The following XPO7 variants were observed in gnomAD, a reference collection of about 807,000 sequenced individuals.
The protein encoded by XPO7 is exportin-7.
A neutral mutation model predicts 144.3 loss-of-function variants in XPO7; 21 were observed. The ratio of observed to expected loss-of-function variants is 0.15; its 90% confidence interval spans 0.10 to 0.21. The LOEUF (loss-of-function observed/expected upper bound fraction) is 0.21. Among genes scored for constraint, XPO7 ranks in the 10% least tolerant of loss-of-function variants. XPO7 has a pLI of 1.00. For missense variants in XPO7, 808 were observed against 1,325.8 expected (o/e 0.61, Z 6.06); for synonymous variants, 580 against 499.6 (o/e 1.16, Z -2.15).
intron 27 of XPO7, among the ~76,000 whole-genome samples, chr8:22,004,633 A>G (rs915222223): frequency 6.6e-6 from 1 of 152,120 alleles, no homozygotes; most frequent in Non-Finnish European, 1.5e-5. Context: ...CACGGTAGCC[A>G]TATGTGGTTA....
At chr8:22,001,537 C>T (rs931977285) in intron 24 of XPO7, among the ~76,000 whole-genome samples, 13 of 152,142 alleles carry the variant, frequency 8.5e-5, no homozygotes, top group African/African-American at 2.4e-4. Flanking sequence ...ACAGATAATA[C>T]AGCATACCGT....
chr8:21,994,702 T>C (rs1812884288), intron 20 of XPO7, among the ~76,000 whole-genome samples: 1 of 152,112 alleles, frequency 6.6e-6, no homozygotes, highest in African/African-American at 2.4e-5. Context: ...TGTGGAACCA[T>C]ATACCACTGT....
intron 1 of XPO7, among the ~76,000 whole-genome samples, chr8:21,925,638 T>C (rs1810435101): frequency 6.6e-6 from 1 of 152,164 alleles, no homozygotes. Flanking sequence ...CCAGGCACCA[T>C]GCTAAGCCTT....
At position 21,984,703 on chromosome 8, in the gene XPO7, G is replaced by A; in HGVS notation, c.1335G>A (p.Gln445=). ...DTGLVQQQLD[Q]LSTIGRCEYE... ...GGCTGGTCCAGCAGCAGTTGGACCAGCTGTCCACCATTGGGCGTTGTGAAT... is the reference window on the plus strand; with the variant it reads ...GGCTGGTCCAGCAGCAGTTGGACCAACTGTCCACCATTGGGCGTTGTGAAT... The change falls in exon 12 of 28, where the codon CAG becomes CAA. Residue 445 remains glutamine, a synonymous_variant. Transcript: ENST00000252512. 1 of 1,613,946 alleles carries A rather than the reference G, an allele frequency of 6.2e-7. No homozygotes were observed. The highest frequency in any genetic ancestry group is 8.5e-7 in the Non-Finnish European group (1 of 1,179,872).
At chr8:21,989,186 G>T in intron 16 of XPO7, 103 bp downstream of exon 16, 6 of 1,043,374 alleles carry the variant, frequency 5.8e-6, no homozygotes, top group Non-Finnish European at 7.0e-6. Context: ...GCTGTAGTGT[G>T]TACTCACATA....
chr8:21,984,574 G>A lies in XPO7; in HGVS notation c.1278-72G>A, dbSNP rs974240496. ...AAATGGTGGCTAAGTGAAGAAGTCA[G>A]AGAGCTGCTATATTGGGCAAATCAG... On this transcript the variant is annotated intron_variant, in intron 11 of 27. Transcript: ENST00000252512. 8.7e-6 allele frequency: 12 copies of A among 1,381,408 alleles called. No homozygotes were observed. In the African/African-American group the frequency reaches 1.6e-4, roughly 18 times the overall value. 85.6% of individuals were successfully genotyped at this position (1,381,408 alleles called of 1,614,324 possible).
At chr8:21,960,104 G>A (rs6557707) in intron 1 of XPO7, among the ~76,000 whole-genome samples, 147,548 of 152,330 alleles carry the variant, frequency 0.97, 71,628 homozygotes, top group East Asian at 1. Context: ...CAGAGGAGCC[G>A]TGGGGAACTG....
chr8:21,985,669 A>G lies in XPO7; in HGVS notation c.1555A>G (p.Met519Val), dbSNP rs901468475. The change falls in exon 13 of 28, where the codon ATG becomes GTG. Residue 519 changes from methionine (M) to valine (V), a missense_variant. This residue lies in a region of XPO7 where 416 missense variants were observed against 612.5 expected (regional missense o/e 0.68). Coordinates refer to ENST00000252512, the MANE Select transcript of XPO7 (RefSeq NM_015024.5). Reference protein sequence around the residue: ...SFASTDEQDAMDGELVCRVLQ... With the variant: ...SFASTDEQDAVDGELVCRVLQ... ...TGCCAGCACTGATGAGCAAGACGCC[A>G]TGGATGGTGAGCTTGTCTGTCGGTA... 2.5e-6 allele frequency: 4 copies of G among 1,613,632 alleles called. No homozygotes were observed. Among genetic ancestry groups the G allele is most frequent in the Non-Finnish European group, 3.4e-6 (4 of 1,179,882 alleles).
Position 22,005,928 on chromosome 8 carries a change from C to T in XPO7, c.*840C>T, listed in dbSNP as rs757413293. ...TGCTTTTAAAAGTTGGATTTAACGA[C>T]GTGTTGTAGGGTTCTTGGTCTGTGT... On this transcript the variant is annotated 3_prime_UTR_variant, in exon 28 of 28. Transcript: ENST00000252512. 8 of 152,158 alleles carry T rather than the reference C, an allele frequency of 5.3e-5. No homozygotes were observed. Among genetic ancestry groups the T allele is most frequent in the Non-Finnish European group, 1.0e-4 (7 of 68,048 alleles). The allele number at this position is 152,158 out of a possible 1,614,324, so 9.4% of individuals were successfully genotyped here. A position where few individuals can be genotyped will look rare whatever the true frequency, so the allele number is the denominator to read the frequency against.
At chr8:21,993,082 C>T (rs1812822453) in intron 19 of XPO7, among the ~76,000 whole-genome samples, 1 of 152,116 alleles carries the variant, frequency 6.6e-6, no homozygotes, top group Non-Finnish European at 1.5e-5. Context: ...CCTAATTATA[C>T]TTGTATTTTA....
In XPO7 at chr8:21,977,815, A is replaced by T. The variant is rs1812276718; in HGVS notation, c.809A>T (p.His270Leu). Reference protein sequence around the residue: ...STLQLFFDLYHSIPPSFSPLV... With the variant: ...STLQLFFDLYLSIPPSFSPLV... Reference sequence around the variant, plus strand: ...TTGCAGCTGTTTTTTGACCTGTATCATTCCATCCCTCCTTCATTTTCACCT... The same window carrying T: ...TTGCAGCTGTTTTTTGACCTGTATCTTTCCATCCCTCCTTCATTTTCACCT... The change falls in exon 8 of 28, where the codon CAT becomes CTT. Residue 270 changes from histidine (H) to leucine (L), a missense_variant. Coordinates refer to ENST00000252512, the MANE Select transcript of XPO7 (RefSeq NM_015024.5). 1 of 1,613,830 alleles carries T rather than the reference A, an allele frequency of 6.2e-7. No homozygotes were observed. The highest frequency in any genetic ancestry group is 1.3e-5 in the African/African-American group (1 of 74,912).
intron 1 of XPO7, among the ~76,000 whole-genome samples, chr8:21,937,360 T>A: frequency 6.6e-6 from 1 of 152,206 alleles, no homozygotes; most frequent in Non-Finnish European, 1.5e-5. Flanking sequence ...TTTTAATGTC[T>A]TACGGTAATA....
chr8:21,922,332 TA>T (rs1275961546), intron 1 of XPO7, among the ~76,000 whole-genome samples: 1 of 152,164 alleles, frequency 6.6e-6, no homozygotes, highest in African/African-American at 2.4e-5. Context: ...AAAATTATAA[TA>T]TTTGGATTGC....
chr8:21,952,913 A>G (rs1378026410), intron 1 of XPO7, among the ~76,000 whole-genome samples: 1 of 152,228 alleles, frequency 6.6e-6, no homozygotes, highest in Middle Eastern at 3.2e-3. Context: ...TTAAACTGGC[A>G]AATTAGATGT....
Position 21,987,872 on chromosome 8 carries a change from T to C in XPO7, c.1787+15T>C, listed in dbSNP as rs1812632319. The C allele has an allele frequency of 3.1e-6, 5 of 1,613,004 alleles. No homozygotes were observed. Among genetic ancestry groups the C allele is most frequent in the Non-Finnish European group, 4.2e-6 (5 of 1,179,430 alleles). On this transcript the variant is annotated intron_variant, in intron 15 of 27. Coordinates refer to ENST00000252512, the MANE Select transcript of XPO7 (RefSeq NM_015024.5). ...ATAGGAAAAATGTAAGTGTTTCAGCTTGCCACCAGCAAGAGTCCTTTGCAC... is the reference window on the plus strand; with the variant it reads ...ATAGGAAAAATGTAAGTGTTTCAGCCTGCCACCAGCAAGAGTCCTTTGCAC...
At position 22,005,254 on chromosome 8, in the gene XPO7, G is replaced by A. The variant is rs1368634883; in HGVS notation, c.*166G>A. ...GCTTCCCCAGGGAATAGGGGTGTGA[G>A]TACACTCACTAGGGGGCAGGGCGCT... On this transcript the variant is annotated 3_prime_UTR_variant, in exon 28 of 28. Transcript: ENST00000252512. 1 of 466,118 alleles carries A rather than the reference G, an allele frequency of 2.1e-6. No individual in the cohort carries two copies. The highest frequency in any genetic ancestry group is 3.8e-6 in the Non-Finnish European group (1 of 265,580). 28.9% of individuals were successfully genotyped at this position (466,118 alleles called of 1,614,324 possible).
Position 21,987,185 on chromosome 8 carries a change from C to T in XPO7, c.1622C>T (p.Ala541Val), listed in dbSNP as rs1191362387. The T allele has an allele frequency of 8.7e-6, 14 of 1,613,982 alleles. No individual in the cohort carries two copies. Among genetic ancestry groups the T allele is most frequent in the Admixed American group, 1.7e-5 (1 of 60,012 alleles). The stretch of plus-strand genomic sequence containing the variant: ...CTAACAGATTCTCGTTTGGCCCAGG[C>T]GGGTAATGAGAAGCTAGAGTTGGCC... ...MNLTDSRLAQ[A>V]GNEKLELAML... Residue 541 changes from alanine (A) to valine (V), a missense_variant, in exon 14 of 28, where the codon GCG (alanine) becomes GTG (valine). Physicochemically the swap from Ala to Val is moderately conservative, Grantham distance 64 (BLOSUM62 0). This residue lies in a region of XPO7 where 416 missense variants were observed against 612.5 expected (regional missense o/e 0.68). Coordinates refer to ENST00000252512, the MANE Select transcript of XPO7 (RefSeq NM_015024.5).
At chr8:21,981,223 A>T (rs1282415061) in intron 9 of XPO7, among the ~76,000 whole-genome samples, 1 of 152,238 alleles carries the variant, frequency 6.6e-6, no homozygotes, top group Non-Finnish European at 1.5e-5. Flanking sequence ...TATCATATAA[A>T]TACTACTATA....
chr8:21,980,303 T>A, intron 9 of XPO7, 100 bp downstream of exon 9: 1 of 1,395,734 alleles, frequency 7.2e-7, no homozygotes, highest in Non-Finnish European at 9.5e-7. Flanking sequence ...AACAATTCAG[T>A]CTGTTCTTCA....
Sources: gnomAD v4.1 joint callset for allele counts (sites outside exome capture counted in the v4.1 genomes callset) on GRCh38, gnomAD v4.1.1 for gene constraint, gnomAD v4.1.1 regional missense constraint, MANE v1.5 for transcripts, NCBI Gene and HGNC (gene_info 2026-07-23, HGNC 2026-07-21) for gene names.